Variants in SYNDIG1 observed in about 807,000 individuals in gnomAD.
The protein encoded by SYNDIG1 is synapse differentiation inducing 1.
In SYNDIG1, 9 loss-of-function variants were observed where a neutral mutation model predicts 19.4. That is an observed-to-expected ratio of 0.46 (90% CI 0.28 to 0.81). SYNDIG1 has a LOEUF of 0.81. Ranked by LOEUF, SYNDIG1 falls within the 30% of genes least tolerant of loss-of-function variation. The probability of loss-of-function intolerance (pLI) is 0.12; values close to 1 mark genes in which losing one functional copy is unlikely to be tolerated. For synonymous variants in SYNDIG1, 141 were observed against 145.9 expected (o/e 0.97, Z 0.24); for missense variants, 311 against 343.3 (o/e 0.91, Z 0.74).
In SYNDIG1 at chr20:24,626,036, G is replaced by C. The variant is rs1480341592; in HGVS notation, c.619-39310G>C. 6.1e-5 allele frequency among the ~76,000 whole-genome samples: 9 copies of C among 148,284 alleles called. 1 individual carries two copies. The highest frequency in any genetic ancestry group is 2.0e-4 in the East Asian group (1 of 4,880). Reference sequence around the variant, plus strand: ...TCCCGGACGGGGTGGCTGGCCAGGTGGGGGGCTGACTCCCCCACCTCCCTC... The same window carrying C: ...TCCCGGACGGGGTGGCTGGCCAGGTCGGGGGCTGACTCCCCCACCTCCCTC... On this transcript the variant is annotated intron_variant, in intron 3 of 3. Coordinates refer to ENST00000376862, the MANE Select transcript of SYNDIG1 (RefSeq NM_024893.3).
At chr20:24,635,635 T>C (rs1429890067) in intron 3 of SYNDIG1, among the ~76,000 whole-genome samples, 1 of 152,234 alleles carries the variant, frequency 6.6e-6, no homozygotes, top group African/African-American at 2.4e-5. Context: ...TACCTTTTTA[T>C]AAGCTTTTTT....
intron 1 of SYNDIG1, among the ~76,000 whole-genome samples, chr20:24,522,056 A>G (rs1221827304): frequency 1.3e-5 from 2 of 151,964 alleles, no homozygotes; most frequent in African/African-American, 4.8e-5. Context: ...ATACCCTGAC[A>G]GCTGTGTTCA....
chr20:24,638,260 T>G (rs1274209715), intron 3 of SYNDIG1, among the ~76,000 whole-genome samples: 1 of 152,186 alleles, frequency 6.6e-6, no homozygotes. Flanking sequence ...CAAAATCGGA[T>G]TTTTTAAAAA....
rs964728666 is a variant in SYNDIG1, at chr20:24,502,833, A to T, written c.-79+33080A>T. 1.4e-4 allele frequency among the ~76,000 whole-genome samples: 22 copies of T among 152,362 alleles called. No individual in the cohort carries two copies. In the East Asian group the frequency reaches 4.0e-3, roughly 28 times the overall value. ...AAATACAAAGGTCACTGAAGAAGAG[A>T]AGAGTGACAGTACTGATTCATACAG... On this transcript the variant is annotated intron_variant, in intron 1 of 3. Transcript: ENST00000376862.
At chr20:24,659,820 G>T (rs193060728) in intron 3 of SYNDIG1, among the ~76,000 whole-genome samples, 1 of 152,124 alleles carries the variant, frequency 6.6e-6, no homozygotes, top group East Asian at 1.9e-4. Flanking sequence ...TCTGGTTTTG[G>T]CATCAAGATT....
intron 3 of SYNDIG1, among the ~76,000 whole-genome samples, chr20:24,620,517 C>T (rs1458256743): frequency 6.6e-5 from 10 of 152,194 alleles, no homozygotes; most frequent in African/African-American, 1.4e-4. Context: ...CCTCACAACA[C>T]GGCAGCTGGC....
chr20:24,543,357 A>T lies in SYNDIG1; in HGVS notation c.260A>T (p.Tyr87Phe), dbSNP rs1190029923. 2.5e-6 allele frequency: 4 copies of T among 1,613,454 alleles called. No individual in the cohort carries two copies. Among genetic ancestry groups the T allele is most frequent in the Non-Finnish European group, 3.4e-6 (4 of 1,180,008 alleles). Residue 87 changes from tyrosine to phenylalanine, a missense_variant, in exon 2 of 4, where the codon TAC becomes TTC. By Grantham distance (22) the Tyr-to-Phe change is conservative. Transcript: ENST00000376862. ...CTGCAGCAGTCAGTGGAGTCCCGCT[A>T]CCGGCCCAACATCATCCTCTATTCA... is the stretch of plus-strand genomic sequence containing the variant. ...NTLQQSVESR[Y>F]RPNIILYSEG... is the part of the protein sequence containing the mutation.
At position 24,660,571 on chromosome 20, in the gene SYNDIG1, C is replaced by T. The variant is rs569852639; in HGVS notation, c.619-4775C>T. The stretch of plus-strand genomic sequence containing the variant: ...AGTGTCTGCCCCTGTGGACAAGGTG[C>T]GGTTGGCAGGAGCAGATAGGAGACA... On this transcript the variant is annotated intron_variant, in intron 3 of 3. Coordinates refer to ENST00000376862, the MANE Select transcript of SYNDIG1 (RefSeq NM_024893.3). 1.4e-4 allele frequency among the ~76,000 whole-genome samples: 21 copies of T among 152,338 alleles called. No homozygotes were observed. In the Middle Eastern group the frequency reaches 0.01, roughly 74 times the overall value.
chr20:24,478,854 G>C (rs1246319088), intron 1 of SYNDIG1, among the ~76,000 whole-genome samples: 1 of 152,196 alleles, frequency 6.6e-6, no homozygotes, highest in African/African-American at 2.4e-5. Context: ...AGGGGAAGCT[G>C]CATTCCTGTA....
At chr20:24,494,577 C>T (rs16986675) in intron 1 of SYNDIG1, among the ~76,000 whole-genome samples, 14,218 of 152,130 alleles carry the variant, frequency 0.093, 936 homozygotes, top group East Asian at 0.33. Context: ...AATTGAGCCC[C>T]GAGGGATGAG....
rs2059643721 is a variant in SYNDIG1 at position 24,665,958 on chromosome 20, T to A, written c.*454T>A. 6.0e-6 allele frequency: 1 copy of A among 165,964 alleles called. No individual in the cohort carries two copies. The highest frequency in any genetic ancestry group is 2.4e-5 in the African/African-American group (1 of 41,506). The allele number at this position is 165,964 out of a possible 1,614,324, so 10.3% of individuals were successfully genotyped here. A position where few individuals can be genotyped will look rare whatever the true frequency, so the allele number is the denominator to read the frequency against. ...CTGGAGTCCTTTGTGCCCCCCGGAG[T>A]CCACACGCCTTCCCTGCAAGACGAG... On this transcript the variant is annotated 3_prime_UTR_variant, in exon 4 of 4. Coordinates refer to ENST00000376862, the MANE Select transcript of SYNDIG1 (RefSeq NM_024893.3).
intron 2 of SYNDIG1, among the ~76,000 whole-genome samples, chr20:24,569,983 A>G (rs1409763246): frequency 6.6e-6 from 1 of 152,230 alleles, no homozygotes; most frequent in African/African-American, 2.4e-5. Context: ...AGTAAAAAAG[A>G]TGTCTTCTCT....
At chr20:24,573,644 C>T (rs772675481) in intron 2 of SYNDIG1, among the ~76,000 whole-genome samples, 29 of 152,206 alleles carry the variant, frequency 1.9e-4, no homozygotes, top group African/African-American at 7.0e-4. Context: ...AAAGCTTTGG[C>T]CCACCCTGTC....
At chr20:24,524,990 G>A (rs1382477194) in intron 1 of SYNDIG1, among the ~76,000 whole-genome samples, 2 of 151,732 alleles carry the variant, frequency 1.3e-5, no homozygotes, top group Non-Finnish European at 2.9e-5. Flanking sequence ...ATTTAGATGG[G>A]GCTCATTAAT....
chr20:24,595,824 T>C (rs887332289), intron 3 of SYNDIG1, among the ~76,000 whole-genome samples: 9 of 152,296 alleles, frequency 5.9e-5, no homozygotes, highest in Non-Finnish European at 1.2e-4. Flanking sequence ...TTTATGATTG[T>C]GTTTATTTGG....
chr20:24,520,852 C>A (rs1455597129), intron 1 of SYNDIG1, among the ~76,000 whole-genome samples: 1 of 151,874 alleles, frequency 6.6e-6, no homozygotes, highest in Non-Finnish European at 1.5e-5. Flanking sequence ...CATTTTATTC[C>A]TTTTTAAATG....
At chr20:24,626,252 G>A (rs1325197904) in intron 3 of SYNDIG1, among the ~76,000 whole-genome samples, 13 of 106,042 alleles carry the variant, frequency 1.2e-4, no homozygotes, top group East Asian at 3.4e-4. Flanking sequence ...GGTGGCTGCC[G>A]GGCGGAGATG....
intron 1 of SYNDIG1, among the ~76,000 whole-genome samples, chr20:24,485,150 A>C (rs938525647): frequency 7.9e-5 from 12 of 152,194 alleles, no homozygotes; most frequent in Non-Finnish European, 1.5e-5. Flanking sequence ...CAGCTACAGA[A>C]CTGAGCTAAA....
intron 3 of SYNDIG1, among the ~76,000 whole-genome samples, chr20:24,604,637 A>ACT (rs764353068): frequency 1.3e-5 from 2 of 152,182 alleles, no homozygotes; most frequent in Non-Finnish European, 2.9e-5. Context: ...ATCATGAAAA[A>ACT]TCCGCCCTTT....
Sources: gnomAD v4.1 joint callset for allele counts (sites outside exome capture counted in the v4.1 genomes callset) on GRCh38, gnomAD v4.1.1 for gene constraint, MANE v1.5 for transcripts, NCBI Gene and HGNC (gene_info 2026-07-23, HGNC 2026-07-21) for gene names.